The following CACNA1G variants were observed in gnomAD, a reference collection of about 807,000 sequenced individuals.
CACNA1G encodes voltage-dependent T-type calcium channel subunit alpha-1G.
Under a neutral mutation model 219.4 loss-of-function variants are expected in CACNA1G, and 67 were observed. That is an observed-to-expected ratio of 0.31 (90% CI 0.25 to 0.37). The LOEUF (loss-of-function observed/expected upper bound fraction) is 0.37. Ranked by LOEUF, CACNA1G falls within the 10% of genes least tolerant of loss-of-function variation. The pLI is 1.00. For synonymous variants in CACNA1G, 1,296 were observed against 1,345.3 expected, an observed-to-expected ratio of 0.96 and a Z score of 0.80; for missense variants, 2,380 against 3,231.4, an observed-to-expected ratio of 0.74 and a Z score of 6.39.
In CACNA1G at chr17:50,617,313, G is replaced by T; in HGVS notation, c.5022-125G>T. On this transcript the variant is annotated intron_variant, in intron 28 of 37. Transcript: ENST00000359106. The surrounding 1 kb of genome is among the most constrained non-coding windows in gnomAD (Gnocchi z 5.8). The stretch of plus-strand genomic sequence containing the variant: ...TAGATAAGCCACGCCTCTTCTCTGT[G>T]GGATGGGAGGCTGGACCCGCTGATG... 9.4e-7 allele frequency: 1 copy of T among 1,062,722 alleles called. No homozygotes were observed. Among genetic ancestry groups the T allele is most frequent in the South Asian group, 1.7e-5 (1 of 59,846 alleles). The allele number at this position is 1,062,722 out of a possible 1,614,324, so 65.8% of individuals were successfully genotyped here. A position where few individuals can be genotyped will look rare whatever the true frequency, so the allele number is the denominator to read the frequency against.
chr17:50,580,255 A>T (rs891449507), intron 9 of CACNA1G, among the ~76,000 whole-genome samples: 1 of 152,142 alleles, frequency 6.6e-6, no homozygotes, highest in Admixed American at 6.5e-5. Flanking sequence ...ACTCTGCCAG[A>T]TTGGTGGCAG....
At chr17:50,611,961 C>T (rs891614669) in intron 26 of CACNA1G, among the ~76,000 whole-genome samples, 13 of 152,256 alleles carry the variant, frequency 8.5e-5, no homozygotes, top group Non-Finnish European at 1.0e-4. Context: ...CAGGCATGTA[C>T]ACCAGTTACC....
intron 9 of CACNA1G, among the ~76,000 whole-genome samples, chr17:50,579,993 G>C (rs1456968847): frequency 1.3e-5 from 2 of 152,134 alleles, no homozygotes; most frequent in Non-Finnish European, 2.9e-5. Flanking sequence ...CGAGCACCCA[G>C]CTTTTACCCA....
At position 50,566,036 on chromosome 17, in the gene CACNA1G, G is replaced by A. The variant is rs77997974; in HGVS notation, c.243-2834G>A. Among the ~76,000 whole-genome samples the A allele has an allele frequency of 9.2e-5, 14 of 152,198 alleles. No individual in the cohort carries two copies. The East Asian group carries it at 1.2e-3, about 13-fold the overall frequency. ...GTCACTATGGCAACCAGTGTCCCCCGTTCCCTTGGTTACCATGGGGATCTG... is the reference window on the plus strand; with the variant it reads ...GTCACTATGGCAACCAGTGTCCCCCATTCCCTTGGTTACCATGGGGATCTG... On this transcript the variant is annotated intron_variant, in intron 1 of 37. Coordinates refer to ENST00000359106, the MANE Select transcript of CACNA1G (RefSeq NM_018896.5).
In CACNA1G at chr17:50,627,384, A is replaced by C. The variant is rs1283187388; in HGVS notation, c.*633A>C. 1 of 385,816 alleles carries C rather than the reference A, an allele frequency of 2.6e-6. No individual in the cohort carries two copies. Among genetic ancestry groups the C allele is most frequent in the African/African-American group, 2.1e-5 (1 of 46,982 alleles). 23.9% of individuals were successfully genotyped at this position (385,816 alleles called of 1,614,324 possible). On this transcript the variant is annotated 3_prime_UTR_variant, in exon 38 of 38. Coordinates refer to ENST00000359106, the MANE Select transcript of CACNA1G (RefSeq NM_018896.5). Reference sequence around the variant, plus strand: ...GAAAAAGAAAAAATGAGATTTTACAAGTGAAATGGAACCTTTTTATATATA... The same window carrying C: ...GAAAAAGAAAAAATGAGATTTTACACGTGAAATGGAACCTTTTTATATATA...
intron 13 of CACNA1G, among the ~76,000 whole-genome samples, chr17:50,593,309 C>G (rs545333129): frequency 6.6e-6 from 1 of 152,220 alleles, no homozygotes; most frequent in Non-Finnish European, 1.5e-5. Context: ...GAGTGAGGAC[C>G]GGGCCCCCTG....
At chr17:50,593,031 C>T (rs545707839) in intron 13 of CACNA1G, among the ~76,000 whole-genome samples, 1 of 152,334 alleles carries the variant, frequency 6.6e-6, no homozygotes, top group Admixed American at 6.5e-5. Flanking sequence ...CCACACTGGT[C>T]TTTCTCCCCG....
rs561390667 is a variant in CACNA1G at position 50,610,176 on chromosome 17, CT to C, written c.4759+243del. On this transcript the variant is annotated intron_variant, in intron 26 of 37. Coordinates refer to ENST00000359106, the MANE Select transcript of CACNA1G (RefSeq NM_018896.5). ...GGAGAGCCCACCTTCCCAGCAAGGG[CT>C]TCCTTGGCCGGCCAAGCTCCCCACC... Among the ~76,000 whole-genome samples, 21 of 152,318 alleles carry C rather than the reference CT, an allele frequency of 1.4e-4. No individual in the cohort carries two copies. In the East Asian group the frequency reaches 4.1e-3, roughly 30 times the overall value.
Position 50,561,550 on chromosome 17 carries a change from C to A in CACNA1G, c.91C>A (p.Arg31=), listed in dbSNP as rs540523213. 12 of 1,540,760 alleles carry A rather than the reference C, an allele frequency of 7.8e-6. No homozygotes were observed. The African/African-American group carries it at 1.5e-4, about 19-fold the overall frequency. Residue 31 remains arginine, a synonymous_variant, in exon 1 of 38, where the codon CGG becomes AGG. Coordinates refer to ENST00000359106, the MANE Select transcript of CACNA1G (RefSeq NM_018896.5). ...RLNDLSGAGG[R]PGPGSAEKDP... is the part of the protein sequence containing the mutation. ...CAACGACCTGTCGGGGGCCGGGGGC[C>A]GGCCGGGGCCGGGGTCAGCAGAAAA...
intron 9 of CACNA1G, among the ~76,000 whole-genome samples, chr17:50,589,785 G>A (rs2043820031): frequency 6.6e-6 from 1 of 152,188 alleles, no homozygotes; most frequent in Non-Finnish European, 1.5e-5. Flanking sequence ...GGTGTCCCGG[G>A]CTCAGGCTGA....
chr17:50,596,594 T>A lies in CACNA1G; in HGVS notation c.3012T>A (p.Asp1004Glu). Reference sequence around the variant, plus strand: ...CCAACAAGTCCGAATCAGAGCCCGATTTCTTCTCACCCAGCCTGGATGGTG... The same window carrying A: ...CCAACAAGTCCGAATCAGAGCCCGAATTCTTCTCACCCAGCCTGGATGGTG... ...GDANKSESEPDFFSPSLDGDG... is the reference protein window; with the variant it reads ...GDANKSESEPEFFSPSLDGDG... The change falls in exon 15 of 38, where the codon GAT (aspartate) becomes GAA (glutamate). Residue 1004 changes from aspartate (D) to glutamate (E), a missense_variant. Coordinates refer to ENST00000359106, the MANE Select transcript of CACNA1G (RefSeq NM_018896.5). This position sits in a 1 kb window ranked among gnomAD's most constrained non-coding sequence, Gnocchi z 4.8. 6.2e-7 allele frequency: 1 copy of A among 1,613,898 alleles called. No homozygotes were observed. Among genetic ancestry groups the A allele is most frequent in the East Asian group, 2.2e-5 (1 of 44,858 alleles).
rs749014308 is a variant in CACNA1G at position 50,599,465 on chromosome 17, C to A, written c.3296C>A (p.Ala1099Asp). The A allele has an allele frequency of 2.5e-6, 4 of 1,575,824 alleles. No homozygotes were observed. The highest frequency in any genetic ancestry group is 2.6e-6 in the Non-Finnish European group (3 of 1,162,110). The stretch of plus-strand genomic sequence containing the variant: ...AGCTCTCCGCACAGCCCCTGGAGCG[C>A]TGCAAGCAGCTGGACCAGCAGGCGC... ...ARSSPHSPWSAASSWTSRRSS... is the reference protein window; with the variant it reads ...ARSSPHSPWSDASSWTSRRSS... Residue 1099 changes from alanine to aspartate, a missense_variant, in exon 17 of 38, where the codon GCT becomes GAT. By Grantham distance (126) the Ala-to-Asp change is moderately radical. Transcript: ENST00000359106.
chr17:50,606,431 T>G, intron 23 of CACNA1G: 1 of 594,552 alleles, frequency 1.7e-6, no homozygotes, highest in African/African-American at 1.9e-5. Flanking sequence ...TTTCATTAAC[T>G]GGTGAATGGA....
Position 50,626,040 on chromosome 17 carries a change from G to A in CACNA1G, c.6423G>A (p.Leu2141=). 1.2e-6 allele frequency: 2 copies of A among 1,611,930 alleles called. No homozygotes were observed. The highest frequency in any genetic ancestry group is 8.5e-7 in the Non-Finnish European group (1 of 1,178,726). ...AGGCAGCAATAAGGACTGACTCCTT[G>A]GACGTTCAGGGTCTGGGCAGCCGGG... ...RRQAAIRTDS[L]DVQGLGSRED... Residue 2141 remains leucine, a synonymous_variant, in exon 38 of 38, where the codon TTG becomes TTA. Transcript: ENST00000359106. The surrounding 1 kb of genome is among the most constrained non-coding windows in gnomAD (Gnocchi z 4.3).
chr17:50,615,790 C>A (rs1290197358), intron 27 of CACNA1G, among the ~76,000 whole-genome samples: 2 of 152,246 alleles, frequency 1.3e-5, no homozygotes, highest in Non-Finnish European at 2.9e-5. Flanking sequence ...CTACTATGAG[C>A]TGCGCTCTGG....
chr17:50,605,870 TTC>T (rs2047857003), intron 22 of CACNA1G, 26 bp from the exon 23 acceptor site: 5 of 1,612,676 alleles, frequency 3.1e-6, no homozygotes, highest in Non-Finnish European at 3.4e-6. Context: ...CAGCTCACTT[TTC>T]TCTGTCTCTG....
chr17:50,576,986 CA>C, intron 8 of CACNA1G, among the ~76,000 whole-genome samples: 1 of 152,178 alleles, frequency 6.6e-6, no homozygotes, highest in Non-Finnish European at 1.5e-5. Flanking sequence ...CCCCAGCAGA[CA>C]GGTTCACTGT....
At chr17:50,584,744 G>GC (rs111585695) in intron 9 of CACNA1G, among the ~76,000 whole-genome samples, 18,817 of 151,772 alleles carry the variant, frequency 0.12, 3,944 homozygotes, top group African/African-American at 0.43. Context: ...GGGACGTGGA[G>GC]CCCCCCATGT....
chr17:50,623,588 C>T (rs979332942), intron 35 of CACNA1G, among the ~76,000 whole-genome samples: 4 of 151,656 alleles, frequency 2.6e-5, no homozygotes, highest in African/African-American at 9.7e-5. Flanking sequence ...TGGATACCTC[C>T]CCGCCCCTCC....
Sources: allele counts gnomAD v4.1 joint callset (sites outside exome capture counted in the v4.1 genomes callset), GRCh38; gene constraint gnomAD v4.1.1; non-coding constraint Gnocchi (gnomAD v3.1); transcripts MANE v1.5; gene names NCBI Gene and HGNC (gene_info 2026-07-23, HGNC 2026-07-21).